ITGB3: variants seen among roughly 807,000 people sequenced by gnomAD.
The protein encoded by ITGB3 is integrin beta-3.
ITGB3 carries 48 observed loss-of-function variants against 85.8 expected under a neutral mutation model. The ratio of observed to expected loss-of-function variants is 0.56; its 90% CI spans 0.44 to 0.71. The LOEUF (loss-of-function observed/expected upper bound fraction) is 0.71. ITGB3 is among the 30% of genes least tolerant of loss of function. The pLI, the probability that ITGB3 is intolerant of heterozygous loss-of-function variation, is 0.00. For missense variants in ITGB3, 861 were observed against 1,019.1 expected (o/e 0.84, Z 2.11); for synonymous variants, 363 against 395.6 (o/e 0.92, Z 0.98).
chr17:47,283,270 A>G, intron 2 of ITGB3, 84 bp from the exon 3 acceptor site: 1 of 1,296,384 alleles, frequency 7.7e-7, no homozygotes, highest in South Asian at 1.2e-5. Context: ...ACTCTTAGCT[A>G]TTGGGAAGTG....
chr17:47,309,894 TGA>T, intron 14 of ITGB3, among the ~76,000 whole-genome samples: 1 of 79,618 alleles, frequency 1.3e-5, no homozygotes, highest in Non-Finnish European at 2.5e-5. Flanking sequence ...AGACCCTGTC[TGA>T]AAAAAAAAAA....
intron 2 of ITGB3, among the ~76,000 whole-genome samples, chr17:47,282,066 C>T (rs948827569): frequency 6.6e-5 from 10 of 152,010 alleles, no homozygotes; most frequent in African/African-American, 1.9e-4. Context: ...CTCCTGCCTC[C>T]GTCTCCCAAG....
At chr17:47,286,509 G>A in intron 5 of ITGB3, 87 bp downstream of exon 5, 3 of 1,524,626 alleles carry the variant, frequency 2.0e-6, no homozygotes, top group Non-Finnish European at 2.7e-6. Context: ...GATTTCTGGT[G>A]TAAAATGAGA....
At position 47,310,791 on chromosome 17, in the gene ITGB3, T is replaced by C; in HGVS notation, c.*587T>C. The C allele has an allele frequency of 5.6e-6, 1 of 179,874 alleles. No homozygotes were observed. Among genetic ancestry groups the C allele is most frequent in the Non-Finnish European group, 1.2e-5 (1 of 82,736 alleles). The allele number at this position is 179,874 out of a possible 1,614,324, so 11.1% of individuals were successfully genotyped here. ...GGAGGAGTCAGGGAGAGCTGAACTA[T>C]TAGAGCTGCCTGTGCCTTTTGCCAT... is the stretch of plus-strand genomic sequence containing the variant. On this transcript the variant is annotated 3_prime_UTR_variant, in exon 15 of 15. Coordinates refer to ENST00000559488, the MANE Select transcript of ITGB3 (RefSeq NM_000212.3).
intron 13 of ITGB3, 137 bp from the exon 14 acceptor site, chr17:47,307,333 TA>T: frequency 2.1e-6 from 2 of 950,776 alleles, no homozygotes; most frequent in Non-Finnish European, 3.3e-6. Flanking sequence ...ATTGTCTCCT[TA>T]AAAAAATTAA....
chr17:47,258,406 C>CCA (rs754329123), intron 1 of ITGB3, among the ~76,000 whole-genome samples: 1 of 152,050 alleles, frequency 6.6e-6, no homozygotes, highest in African/African-American at 2.4e-5. Flanking sequence ...GCCTTTCTGT[C>CCA]CACACACACA....
At chr17:47,308,359 A>C (rs1053561833) in intron 14 of ITGB3, among the ~76,000 whole-genome samples, 1 of 151,720 alleles carries the variant, frequency 6.6e-6, no homozygotes, top group Admixed American at 6.6e-5. Context: ...TGGCTATTTG[A>C]CTCCCCAAAT....
chr17:47,300,384 G>A, intron 11 of ITGB3, 94 bp from the exon 12 acceptor site: 1 of 839,686 alleles, frequency 1.2e-6, no homozygotes, highest in Non-Finnish European at 2.0e-6. Context: ...TGGAGGTGGA[G>A]CAGCTTTCTG....
At chr17:47,272,700 CTTCT>C (rs143829232) in intron 1 of ITGB3, among the ~76,000 whole-genome samples, 46,720 of 139,338 alleles carry the variant, frequency 0.34, 8,050 homozygotes, top group African/African-American at 0.45. Flanking sequence ...TCTTTCTTTC[CTTCT>C]TTCTTTCTTT....
chr17:47,261,228 G>A (rs1567758731), intron 1 of ITGB3, among the ~76,000 whole-genome samples: 1 of 152,146 alleles, frequency 6.6e-6, no homozygotes, highest in Non-Finnish European at 1.5e-5. Flanking sequence ...ACTCTGGGGA[G>A]CCTACATTTA....
chr17:47,257,636 G>A (rs1025422518), intron 1 of ITGB3, among the ~76,000 whole-genome samples: 1 of 152,184 alleles, frequency 6.6e-6, no homozygotes, highest in Non-Finnish European at 1.5e-5. Context: ...CAAGTGCTCC[G>A]TTTGGATAAT....
intron 14 of ITGB3, among the ~76,000 whole-genome samples, chr17:47,309,106 G>A (rs1598703912): frequency 6.6e-6 from 1 of 150,802 alleles, no homozygotes; most frequent in African/African-American, 2.4e-5. Flanking sequence ...GGAGTGCAGT[G>A]GTGCCATCAT....
intron 8 of ITGB3, 28 bp downstream of exon 8, chr17:47,290,302 C>G: frequency 6.3e-7 from 1 of 1,576,002 alleles, no homozygotes; most frequent in Admixed American, 1.7e-5. Context: ...GGAATAGTCC[C>G]GCGGAGAGTC....
intron 10 of ITGB3, among the ~76,000 whole-genome samples, chr17:47,292,977 G>A (rs537897838): frequency 5.6e-4 from 86 of 152,246 alleles, no homozygotes; most frequent in South Asian, 1.7e-3. Flanking sequence ...ACTACTATTG[G>A]TGCTACTGTT....
chr17:47,269,759 T>G (rs2065037916), intron 1 of ITGB3, among the ~76,000 whole-genome samples: 1 of 152,236 alleles, frequency 6.6e-6, no homozygotes, highest in Admixed American at 6.5e-5. Context: ...AATTTCTGCC[T>G]GTTACTCAGT....
At chr17:47,284,345 T>C in intron 3 of ITGB3, 98 bp from the exon 4 acceptor site, 1 of 1,466,698 alleles carries the variant, frequency 6.8e-7, no homozygotes, top group African/African-American at 1.4e-5. Flanking sequence ...TCTGGTTTGC[T>C]TTGATCATGC....
At chr17:47,264,142 C>T (rs1387780371) in intron 1 of ITGB3, among the ~76,000 whole-genome samples, 1 of 152,222 alleles carries the variant, frequency 6.6e-6, no homozygotes, top group Non-Finnish European at 1.5e-5. Context: ...AGAGCCCTGA[C>T]TGGTTATTTT....
At chr17:47,296,514 A>G (rs1472120626) in intron 10 of ITGB3, among the ~76,000 whole-genome samples, 2 of 152,216 alleles carry the variant, frequency 1.3e-5, no homozygotes, top group Non-Finnish European at 2.9e-5. Context: ...GGTTACAGGC[A>G]TGAGCCACCA....
intron 13 of ITGB3, 72 bp from the exon 14 acceptor site, chr17:47,307,399 C>T: frequency 6.4e-7 from 1 of 1,556,650 alleles, no homozygotes; most frequent in Admixed American, 1.7e-5. Context: ...GTCAAGAACA[C>T]CTTTTTCATA....
Sources: allele counts gnomAD v4.1 joint callset (sites outside exome capture counted in the v4.1 genomes callset), GRCh38; gene constraint gnomAD v4.1.1; transcripts MANE v1.5; gene names NCBI Gene and HGNC (gene_info 2026-07-23, HGNC 2026-07-21).